CIT: variants seen among roughly 807,000 people sequenced by gnomAD.
The protein encoded by CIT is citron rho-interacting serine/threonine kinase, also known as citron Rho-interacting kinase.
CIT carries 79 observed loss-of-function variants against 272.7 expected under a neutral mutation model. The ratio of observed to expected loss-of-function variants is 0.29; its 90% CI spans 0.24 to 0.35. The LOEUF is 0.35. CIT is among the 10% of genes least tolerant of loss of function. The pLI, the probability that CIT is intolerant of heterozygous loss-of-function variation, is 1.00. For missense variants in CIT, 1,909 were observed against 2,618.3 expected (o/e 0.73, Z 5.91); for synonymous variants, 948 against 995.6 (o/e 0.95, Z 0.90).
At chr12:119,711,658 T>A (rs1957164932) in intron 37 of CIT, among the ~76,000 whole-genome samples, 1 of 152,094 alleles carries the variant, frequency 6.6e-6, no homozygotes, top group Non-Finnish European at 1.5e-5. Flanking sequence ...CCCCCATTCT[T>A]TTTCCTTTGC....
rs866242876 is a variant in CIT, at chr12:119,773,020, A to C, written c.1942-110T>G. The C allele has an allele frequency of 1.0e-5, 11 of 1,061,218 alleles. 1 individual carries two copies. In the Middle Eastern group the frequency reaches 9.7e-4, roughly 94 times the overall value. 65.7% of individuals were successfully genotyped at this position (1,061,218 alleles called of 1,614,324 possible). A position where few individuals can be genotyped will look rare whatever the true frequency, so the allele number is the denominator to read the frequency against. ...CAGAACTTAAAGTATAATCTAAAAA[A>C]AAAAAAAAAAAGATAGTGACAGTGT... On this transcript the variant is annotated intron_variant, in intron 16 of 47. Coordinates refer to ENST00000392521, the MANE Select transcript of CIT (RefSeq NM_001206999.2).
At position 119,697,655 on chromosome 12, in the gene CIT, T is replaced by C; in HGVS notation, c.5882+4A>G. 1 of 1,613,214 alleles carries C rather than the reference T, an allele frequency of 6.2e-7. No individual in the cohort carries two copies. The highest frequency in any genetic ancestry group is 8.5e-7 in the Non-Finnish European group (1 of 1,179,576). On this transcript the variant is annotated splice_donor_region_variant and intron_variant, in intron 46 of 47. Coordinates refer to ENST00000392521, the MANE Select transcript of CIT (RefSeq NM_001206999.2). The surrounding 1 kb of genome is among the most constrained non-coding windows in gnomAD (Gnocchi z 4.9). The stretch of plus-strand genomic sequence containing the variant: ...GGTACTGAGGAAGAGGAGAAGCTGG[T>C]TACCTGCGGGAGGTGGACGGGCCCC...
rs752560587 is a variant in CIT at position 119,834,089 on chromosome 12, T to C, written c.656A>G (p.His219Arg). 3.1e-6 allele frequency: 5 copies of C among 1,607,142 alleles called. No individual in the cohort carries two copies. In the South Asian group the frequency reaches 5.6e-5, roughly 18 times the overall value. The change falls in exon 6 of 48, where the codon CAT becomes CGT. Residue 219 changes from histidine (H) to arginine (R), a missense_variant. Coordinates refer to ENST00000392521, the MANE Select transcript of CIT (RefSeq NM_001206999.2). ...ATGCTACCAGAGTCTCACTTACCGATGCACGTATCCCATCAGATGAACGCT... is the reference window on the plus strand; with the variant it reads ...ATGCTACCAGAGTCTCACTTACCGACGCACGTATCCCATCAGATGAACGCT... ...VHSVHLMGYV[H>R]RDIKPENILV...
intron 22 of CIT, among the ~76,000 whole-genome samples, chr12:119,754,246 C>A (rs1343225197): frequency 1.3e-5 from 2 of 152,160 alleles, no homozygotes; most frequent in African/African-American, 4.8e-5. Flanking sequence ...CTATAAAAAT[C>A]TTTTTAAAAG....
Position 119,718,390 on chromosome 12 carries a change from C to A in CIT, c.4023G>T (p.Thr1341=). The A allele has an allele frequency of 6.2e-7, 1 of 1,612,788 alleles. No homozygotes were observed. Among genetic ancestry groups the A allele is most frequent in the Non-Finnish European group, 8.5e-7 (1 of 1,179,484 alleles). Residue 1341 remains threonine (T), a synonymous_variant, in exon 32 of 48, where the codon ACG becomes ACT. Transcript: ENST00000392521. The surrounding 1 kb of genome is among the most constrained non-coding windows in gnomAD (Gnocchi z 4.8). The part of the protein sequence containing the change: ...AREEAAHRKA[T]DHPHPSTPAT... ...CTGGCGTGGATGGGTGTGGGTGGTC[C>A]GTTGCTTTGCGGTGGGCAGCTGCAG... is the stretch of plus-strand genomic sequence containing the variant.
At chr12:119,844,326 A>G (rs911610817) in intron 5 of CIT, among the ~76,000 whole-genome samples, 4 of 152,074 alleles carry the variant, frequency 2.6e-5, no homozygotes, top group Non-Finnish European at 5.9e-5. Flanking sequence ...CCAGCCATAC[A>G]TACAGTTTAT....
chr12:119,705,069 T>G, intron 40 of CIT, among the ~76,000 whole-genome samples: 1 of 152,078 alleles, frequency 6.6e-6, no homozygotes, highest in East Asian at 1.9e-4. Flanking sequence ...CGCACCACCA[T>G]GCCTGGCCAA....
At chr12:119,688,690 G>A (rs1359506647) in intron 47 of CIT, among the ~76,000 whole-genome samples, 1 of 152,236 alleles carries the variant, frequency 6.6e-6, no homozygotes, top group African/African-American at 2.4e-5. Context: ...CTTGAGCCAT[G>A]CCCTGCCTGG....
chr12:119,747,592 C>A (rs1393687487), intron 23 of CIT, among the ~76,000 whole-genome samples: 6 of 148,080 alleles, frequency 4.1e-5, no homozygotes, highest in Non-Finnish European at 7.5e-5. Context: ...GGTGGGCGAG[C>A]ACCTGTAGTC....
chr12:119,834,972 C>T (rs551601290), intron 5 of CIT, among the ~76,000 whole-genome samples: 2 of 152,016 alleles, frequency 1.3e-5, no homozygotes, highest in South Asian at 2.1e-4. Flanking sequence ...TTGTCCATGA[C>T]AATATAAAGT....
At position 119,702,266 on chromosome 12, in the gene CIT, G is replaced by A. The variant is rs576400395; in HGVS notation, c.5305-308C>T. ...ATTACAAGCTTGAGCCACTGCACAC[G>A]CCCCATTCACCTTTCATGCCTCTCA... is the stretch of plus-strand genomic sequence containing the variant. On this transcript the variant is annotated intron_variant, in intron 41 of 47. Coordinates refer to ENST00000392521, the MANE Select transcript of CIT (RefSeq NM_001206999.2). 5.4e-5 allele frequency among the ~76,000 whole-genome samples: 8 copies of A among 149,364 alleles called. No individual in the cohort carries two copies. The East Asian group carries it at 9.8e-4, about 18-fold the overall frequency.
At position 119,869,013 on chromosome 12, in the gene CIT, T is replaced by A. The variant is rs1566149622; in HGVS notation, c.238+47A>T. ...CATTCTGCCTCAAGCATCTTTCTAG[T>A]TTTTCTCTCTCAGGACAGTTTTCAA... On this transcript the variant is annotated intron_variant, in intron 3 of 47. Transcript: ENST00000392521. 3.1e-6 allele frequency: 5 copies of A among 1,601,024 alleles called. No individual in the cohort carries two copies. In the African/African-American group the frequency reaches 5.4e-5, roughly 17 times the overall value.
rs7967982 is a variant in CIT, at chr12:119,776,032, A to G, written c.1888-193T>C. Among the ~76,000 whole-genome samples the G allele has an allele frequency of 0.47, 70,960 of 151,996 alleles. 17,074 individuals are homozygous for G. The highest frequency in any genetic ancestry group is 0.57 in the Admixed American group (8,763 of 15,268). On this transcript the variant is annotated intron_variant, in intron 15 of 47. Coordinates refer to ENST00000392521, the MANE Select transcript of CIT (RefSeq NM_001206999.2). ...CCCAGTGCAAAGCTCCATGTTGATG[A>G]TGCATGTAGGACCAGCAACATACAA...
chr12:119,830,635 G>C (rs1000221286), intron 7 of CIT, among the ~76,000 whole-genome samples: 1 of 152,058 alleles, frequency 6.6e-6, no homozygotes. Context: ...TCCTACCCCA[G>C]GCACATCTGG....
intron 5 of CIT, among the ~76,000 whole-genome samples, chr12:119,846,888 T>TA (rs1048891294): frequency 3.1e-4 from 42 of 135,476 alleles, no homozygotes; most frequent in Non-Finnish European, 3.4e-4. Flanking sequence ...CATCATCACT[T>TA]AAAAAAAAAA....
chr12:119,870,006 C>G (rs745887954), intron 2 of CIT, among the ~76,000 whole-genome samples: 12 of 152,108 alleles, frequency 7.9e-5, no homozygotes, highest in Non-Finnish European at 1.6e-4. Context: ...CTGCCTGGCC[C>G]CCAAAGACAT....
rs1956301081 is a variant in CIT, at chr12:119,697,605, C to T, written c.5882+54G>A. ...ACTGGTTTAGTATCACTTCCTTCTGCCTTGCAGAAAAGCACGTTGCCCCTG... is the reference window on the plus strand; with the variant it reads ...ACTGGTTTAGTATCACTTCCTTCTGTCTTGCAGAAAAGCACGTTGCCCCTG... On this transcript the variant is annotated intron_variant, in intron 46 of 47. Transcript: ENST00000392521. The surrounding 1 kb of genome is among the most constrained non-coding windows in gnomAD (Gnocchi z 4.9). 3.9e-6 allele frequency: 6 copies of T among 1,556,056 alleles called. No homozygotes were observed. In the South Asian group the frequency reaches 7.0e-5, roughly 18 times the overall value.
At chr12:119,832,319 G>T (rs78073645) in intron 7 of CIT, among the ~76,000 whole-genome samples, 2,315 of 152,250 alleles carry the variant, frequency 0.015, 31 homozygotes, top group Non-Finnish European at 0.02. Context: ...ACTTAAAAAT[G>T]ATATTTTGAG....
chr12:119,730,485 G>A lies in CIT; in HGVS notation c.3486+10C>T, dbSNP rs758131162. The A allele has an allele frequency of 6.3e-7, 1 of 1,588,690 alleles. No individual in the cohort carries two copies. Among genetic ancestry groups the A allele is most frequent in the Non-Finnish European group, 8.6e-7 (1 of 1,163,636 alleles). Reference sequence around the variant, plus strand: ...TGTTTTCCTAAAAAGCAGAAGGGGTGGGCGCTGACCTTGTCAGAGAGGCTC... The same window carrying A: ...TGTTTTCCTAAAAAGCAGAAGGGGTAGGCGCTGACCTTGTCAGAGAGGCTC... On this transcript the variant is annotated intron_variant, in intron 27 of 47. Coordinates refer to ENST00000392521, the MANE Select transcript of CIT (RefSeq NM_001206999.2).
Sources: gnomAD v4.1 joint callset for allele counts (sites outside exome capture counted in the v4.1 genomes callset) on GRCh38, gnomAD v4.1.1 for gene constraint, Gnocchi (gnomAD v3.1) non-coding constraint, MANE v1.5 for transcripts, NCBI Gene and HGNC (gene_info 2026-07-23, HGNC 2026-07-21) for gene names.